NOTCH2NLR: variants seen among roughly 807,000 people sequenced by gnomAD.
The protein encoded by NOTCH2NLR is notch 2 N-terminal like R (pseudogene).
NOTCH2NLR carries 33 observed loss-of-function variants against 35.6 expected under a neutral mutation model. That is an observed-to-expected ratio of 0.93 (90% CI 0.70 to 1.24). NOTCH2NLR has a LOEUF of 1.24. NOTCH2NLR is among the 50% of genes most tolerant of loss of function. The pLI, the probability that NOTCH2NLR is intolerant of heterozygous loss-of-function variation, is 0.00. For synonymous variants in NOTCH2NLR, 103 were observed against 141.0 expected, an observed-to-expected ratio of 0.73 and a Z score of 1.91; for missense variants, 276 against 362.2, an observed-to-expected ratio of 0.76 and a Z score of 1.93.
intron 3 of NOTCH2NLR, among the ~76,000 whole-genome samples, chr1:120,790,104 C>T (rs1202572333): frequency 3.2e-5 from 3 of 93,878 alleles, no homozygotes; most frequent in Middle Eastern, 4.5e-3. Context: ...CAAGTTCCAC[C>T]TCCCGGGTTC....
chr1:120,723,960 G>A (rs1650782157), exon 1 of NOTCH2NLR: 4 of 866,456 alleles, frequency 4.6e-6, no homozygotes, highest in African/African-American at 3.8e-5. Flanking sequence ...AACTTCCGGC[G>A]GCGGCTGAGG....
intron 3 of NOTCH2NLR, among the ~76,000 whole-genome samples, chr1:120,792,752 G>A (rs1396289547): frequency 4.9e-5 from 5 of 102,834 alleles, no homozygotes; most frequent in Non-Finnish European, 7.2e-5. Context: ...TGCCTGCCTC[G>A]GCCTCCCAAA....
chr1:120,755,605 G>A (rs1651071163), intron 1 of NOTCH2NLR, among the ~76,000 whole-genome samples: 1 of 90,906 alleles, frequency 1.1e-5, no homozygotes, highest in Non-Finnish European at 2.0e-5. Context: ...TTATAAAATA[G>A]AACAAAATTG....
intron 2 of NOTCH2NLR, among the ~76,000 whole-genome samples, chr1:120,778,465 G>A (rs1408437985): frequency 0.75 from 80,596 of 107,836 alleles, 34,976 homozygotes; most frequent in Non-Finnish European, 0.77. Context: ...TTTCCCCTTC[G>A]TTCCACATTC....
At position 120,790,720 on chromosome 1, in the gene NOTCH2NLR, C is replaced by T. The variant is rs1275172047; in HGVS notation, c.416-2441C>T. Among the ~76,000 whole-genome samples, 34 of 111,618 alleles carry T rather than the reference C, an allele frequency of 3.0e-4. 5 individuals carry two copies. The highest frequency in any genetic ancestry group is 3.4e-5 in the Non-Finnish European group (2 of 59,358). The allele number at this position is 111,618 out of a possible 152,430, so 73.2% of individuals were successfully genotyped here. A position where few individuals can be genotyped will look rare whatever the true frequency, so the allele number is the denominator to read the frequency against. On this transcript the variant is annotated intron_variant, in intron 3 of 4. Transcript: ENST00000624419. Reference sequence around the variant, plus strand: ...GTTCGAGTGATTCTTGTGCCTCAGCCTCCCAGGTAGCTGGGATTACAGGTA... The same window carrying T: ...GTTCGAGTGATTCTTGTGCCTCAGCTTCCCAGGTAGCTGGGATTACAGGTA...
rs1285952382 is a variant in NOTCH2NLR at position 120,778,298 on chromosome 1, C to T, written c.156-6676C>T. Among the ~76,000 whole-genome samples the T allele has an allele frequency of 5.9e-4, 38 of 64,944 alleles. 7 individuals carry two copies. Among genetic ancestry groups the T allele is most frequent in the Admixed American group, 1.9e-3 (13 of 6,684 alleles). The allele number at this position is 64,944 out of a possible 152,430, so 42.6% of individuals were successfully genotyped here. A position where few individuals can be genotyped will look rare whatever the true frequency, so the allele number is the denominator to read the frequency against. The stretch of plus-strand genomic sequence containing the variant: ...GCTCAGCTAGGGCAGGCTGCCACTG[C>T]GGATTGGGGGGCCAAGAGGCCCAGC... On this transcript the variant is annotated intron_variant, in intron 2 of 4. Transcript: ENST00000624419.
rs1215466990 is a variant in NOTCH2NLR at position 120,765,052 on chromosome 1, T to A, written c.155+1343T>A. Among the ~76,000 whole-genome samples, 5 of 99,754 alleles carry A rather than the reference T, an allele frequency of 5.0e-5. 2 individuals carry two copies. Among genetic ancestry groups the A allele is most frequent in the Non-Finnish European group, 9.4e-5 (5 of 53,406 alleles). The allele number at this position is 99,754 out of a possible 152,430, so 65.4% of individuals were successfully genotyped here. A position where few individuals can be genotyped will look rare whatever the true frequency, so the allele number is the denominator to read the frequency against. ...ACTAAAGTGAAAATATTTTAAGCTG[T>A]GATGACAGTAAAGCTTAACAATAGG... On this transcript the variant is annotated intron_variant, in intron 2 of 4. Coordinates refer to ENST00000624419, the Ensembl canonical transcript of NOTCH2NLR.
Position 120,779,475 on chromosome 1 carries a change from A to T in NOTCH2NLR, c.156-5499A>T, listed in dbSNP as rs1471559270. 2.6e-5 allele frequency among the ~76,000 whole-genome samples: 3 copies of T among 117,582 alleles called. 1 individual carries two copies. Among genetic ancestry groups the T allele is most frequent in the African/African-American group, 1.2e-4 (3 of 24,476 alleles). 77.1% of individuals were successfully genotyped at this position (117,582 alleles called of 152,430 possible). A position where few individuals can be genotyped will look rare whatever the true frequency, so the allele number is the denominator to read the frequency against. ...GTTCTTTCAGAGTTCAATGCTAGAGAAGAGAGAGTAAGTAAAAGTCACTGA... is the reference window on the plus strand; with the variant it reads ...GTTCTTTCAGAGTTCAATGCTAGAGTAGAGAGAGTAAGTAAAAGTCACTGA... On this transcript the variant is annotated intron_variant, in intron 2 of 4. Coordinates refer to ENST00000624419, the Ensembl canonical transcript of NOTCH2NLR.
At chr1:120,780,087 T>C (rs1366693696) in intron 2 of NOTCH2NLR, among the ~76,000 whole-genome samples, 1 of 126,430 alleles carries the variant, frequency 7.9e-6, no homozygotes, top group Admixed American at 7.7e-5. Context: ...AGACTGACTT[T>C]ATCCATCACA....
rs1229427489 is a variant in NOTCH2NLR at position 120,768,349 on chromosome 1, GC to G, written c.155+4641del. Among the ~76,000 whole-genome samples, 6 of 97,668 alleles carry G rather than the reference GC, an allele frequency of 6.1e-5. 1 individual carries two copies. The highest frequency in any genetic ancestry group is 2.1e-4 in the African/African-American group (3 of 14,478). The allele number at this position is 97,668 out of a possible 152,430, so 64.1% of individuals were successfully genotyped here. A position where few individuals can be genotyped will look rare whatever the true frequency, so the allele number is the denominator to read the frequency against. ...TCTGCTCAGTCTTTTCAGCCGTCCA[GC>G]TCTTACTTTCTCTTGGGTTTCTGAA... is the stretch of plus-strand genomic sequence containing the variant. On this transcript the variant is annotated intron_variant, in intron 2 of 4. Coordinates refer to ENST00000624419, the Ensembl canonical transcript of NOTCH2NLR.
In NOTCH2NLR at chr1:120,790,668, C is replaced by T. The variant is rs1244172124; in HGVS notation, c.416-2493C>T. 3.7e-5 allele frequency among the ~76,000 whole-genome samples: 4 copies of T among 108,934 alleles called. 1 individual carries two copies. The highest frequency in any genetic ancestry group is 6.9e-5 in the Non-Finnish European group (4 of 58,302). The allele number at this position is 108,934 out of a possible 152,430, so 71.5% of individuals were successfully genotyped here. ...GTTGCTTAGTACAGTGGCGCAGTCTCGGCTCACTGCAACCTCCACCTCTTG... is the reference window on the plus strand; with the variant it reads ...GTTGCTTAGTACAGTGGCGCAGTCTTGGCTCACTGCAACCTCCACCTCTTG... On this transcript the variant is annotated intron_variant, in intron 3 of 4. Coordinates refer to ENST00000624419, the Ensembl canonical transcript of NOTCH2NLR.
chr1:120,790,547 T>C (rs1374736969), intron 3 of NOTCH2NLR, among the ~76,000 whole-genome samples: 1 of 94,296 alleles, frequency 1.1e-5, no homozygotes, highest in Non-Finnish European at 1.9e-5. Context: ...TTTCTTTCTT[T>C]CTTTCTTTCT....
Position 120,724,184 on chromosome 1 carries a change from G to A in NOTCH2NLR, c.7G>A (p.Ala3Thr). ...GGAGGAGGCGACCGAGAAGATGCCC[G>A]CCCTGCGTCCCGCTCTGCTGTGGGC... Residue 3 changes from alanine (A) to threonine (T), a missense_variant, in exon 1 of 5, where the codon GCC becomes ACC. Transcript: ENST00000624419. 5.0e-6 allele frequency: 7 copies of A among 1,394,144 alleles called. 2 individuals carry two copies. The highest frequency in any genetic ancestry group is 3.9e-5 in the South Asian group (3 of 77,850). 86.4% of individuals were successfully genotyped at this position (1,394,144 alleles called of 1,614,324 possible).
intron 4 of NOTCH2NLR, 91 bp from the exon 5 acceptor site, chr1:120,793,656 C>T (rs1651521100): frequency 1.6e-6 from 1 of 612,318 alleles, no homozygotes; most frequent in African/African-American, 3.9e-5. Flanking sequence ...TATGGGCCCA[C>T]TGTGGTCCAT....
exon 1 of NOTCH2NLR, chr1:120,724,100 G>C (rs1196590821): frequency 7.5e-7 from 1 of 1,332,156 alleles, no homozygotes; most frequent in Non-Finnish European, 9.7e-7. Flanking sequence ...CTCCTCTATC[G>C]GGACCCCCTC....
intron 2 of NOTCH2NLR, among the ~76,000 whole-genome samples, chr1:120,777,926 G>A (rs1390318354): frequency 1.1e-5 from 1 of 94,590 alleles, no homozygotes; most frequent in Non-Finnish European, 1.9e-5. Context: ...AGGTGGGTTA[G>A]GCCTCCTGAA....
In NOTCH2NLR at chr1:120,793,325, C is replaced by T. The variant is rs1651514701; in HGVS notation, c.580C>T (p.His194Tyr). 5.0e-6 allele frequency: 7 copies of T among 1,404,384 alleles called. 1 individual carries two copies. In the South Asian group the frequency reaches 8.5e-5, roughly 17 times the overall value. The allele number at this position is 1,404,384 out of a possible 1,614,324, so 87.0% of individuals were successfully genotyped here. A position where few individuals can be genotyped will look rare whatever the true frequency, so the allele number is the denominator to read the frequency against. The change falls in exon 4 of 5, where the codon CAT (histidine) becomes TAT (tyrosine). Residue 194 changes from histidine to tyrosine, a missense_variant. Coordinates refer to ENST00000624419, the Ensembl canonical transcript of NOTCH2NLR. ...GTGTGACATTCCAGGACACTGCCAG[C>T]ATGGTGGCACCTGCCTCAACCTGCC... is the stretch of plus-strand genomic sequence containing the variant.
At chr1:120,784,580 T>G (rs1174654434) in intron 2 of NOTCH2NLR, among the ~76,000 whole-genome samples, 1 of 117,994 alleles carries the variant, frequency 8.5e-6, no homozygotes, top group East Asian at 2.1e-4. Context: ...CTTCTCTGAT[T>G]TTCCTATTCT....
exon 4 of NOTCH2NLR, chr1:120,793,291 T>C: frequency 1.4e-6 from 2 of 1,393,574 alleles, no homozygotes; most frequent in Non-Finnish European, 1.9e-6. Context: ...GTGAGACTGA[T>C]GTCAATGAGT....
Sources: allele counts gnomAD v4.1 joint callset (sites outside exome capture counted in the v4.1 genomes callset), GRCh38; gene constraint gnomAD v4.1.1; transcripts MANE v1.5; gene names NCBI Gene and HGNC (gene_info 2026-07-23, HGNC 2026-07-21).